Variants in SLC14A2 observed in about 807,000 individuals in gnomAD.
SLC14A2 encodes solute carrier family 14 member 2.
SLC14A2 carries 91 observed loss-of-function variants against 104.6 expected under a neutral mutation model. The ratio of observed to expected loss-of-function variants is 0.87; its 90% confidence interval spans 0.73 to 1.04. SLC14A2 has a LOEUF of 1.04. Among genes scored for constraint, SLC14A2 ranks in the 50% least tolerant of loss-of-function variants. The probability of loss-of-function intolerance (pLI) is 0.00; values close to 1 mark genes in which losing one functional copy is unlikely to be tolerated. For missense variants in SLC14A2, 1,189 were observed against 1,156.0 expected, an observed-to-expected ratio of 1.03 and a Z score of -0.41; for synonymous variants, 476 against 466.4, an observed-to-expected ratio of 1.02 and a Z score of -0.27.
At chr18:45,214,418 CATT>C (rs2083989615) in intron 1 of SLC14A2, among the ~76,000 whole-genome samples, 1 of 152,122 alleles carries the variant, frequency 6.6e-6, no homozygotes, top group African/African-American at 2.4e-5. Context: ...CCTGTGCTTT[CATT>C]ATGCTTGAAG....
At position 45,272,346 on chromosome 18, in the gene SLC14A2, T is replaced by G. The variant is rs112765701; in HGVS notation, c.-125+59155T>G. 1.5e-4 allele frequency among the ~76,000 whole-genome samples: 23 copies of G among 152,206 alleles called. No homozygotes were observed. In the South Asian group the frequency reaches 4.8e-3, roughly 32 times the overall value. On this transcript the variant is annotated intron_variant, in intron 1 of 20. Transcript: ENST00000586448. ...CCAAGATTTGAAAGCAACCTAAGTGTCCATCAACAGATGAATGGATAAAGA... is the reference window on the plus strand; with the variant it reads ...CCAAGATTTGAAAGCAACCTAAGTGGCCATCAACAGATGAATGGATAAAGA...
chr18:45,194,319 T>G, the SLC14A2 span, among the ~76,000 whole-genome samples: 1 of 152,206 alleles, frequency 6.6e-6, no homozygotes, highest in African/African-American at 2.4e-5. Context: ...GTAGTTAAGG[T>G]TAGTTGTCGA....
intron 1 of SLC14A2, among the ~76,000 whole-genome samples, chr18:45,378,863 A>G (rs1358878525): frequency 6.6e-6 from 1 of 152,218 alleles, no homozygotes; most frequent in East Asian, 1.9e-4. Flanking sequence ...TGCCCGTCTC[A>G]GCCTCCCGAA....
At chr18:45,223,447 C>G (rs1373549309) in intron 1 of SLC14A2, among the ~76,000 whole-genome samples, 5 of 152,150 alleles carry the variant, frequency 3.3e-5, no homozygotes, top group African/African-American at 1.2e-4. Context: ...TTATTACTTG[C>G]CTGAATGTCA....
intron 1 of SLC14A2, among the ~76,000 whole-genome samples, chr18:45,250,905 G>C (rs1475295827): frequency 1.3e-5 from 2 of 152,142 alleles, no homozygotes; most frequent in African/African-American, 4.8e-5. Context: ...AACTGGAAAA[G>C]TGTGTAGGTC....
intron 1 of SLC14A2, among the ~76,000 whole-genome samples, chr18:45,284,883 AGAG>A: frequency 6.6e-6 from 1 of 152,230 alleles, no homozygotes; most frequent in Non-Finnish European, 1.5e-5. Context: ...AACATTCAGA[AGAG>A]GAGGCTAGCC....
intron 2 of SLC14A2, among the ~76,000 whole-genome samples, chr18:45,573,419 A>C (rs2044377188): frequency 6.6e-6 from 1 of 152,254 alleles, no homozygotes. Flanking sequence ...ATAATAAGAA[A>C]TAATAAATAA....
chr18:45,461,986 C>T (rs1401759908), intron 1 of SLC14A2, among the ~76,000 whole-genome samples: 1 of 152,008 alleles, frequency 6.6e-6, no homozygotes, highest in Non-Finnish European at 1.5e-5. Flanking sequence ...GAGCAGAAAG[C>T]GTAAGAAACA....
chr18:45,673,957 G>A (rs1414616520), intron 18 of SLC14A2, 140 bp downstream of exon 18: 2 of 907,878 alleles, frequency 2.2e-6, no homozygotes, highest in African/African-American at 3.3e-5. Flanking sequence ...TCAGTCACAT[G>A]AAGACGGTGG....
At chr18:45,627,841 C>A (rs1036529311) in intron 4 of SLC14A2, among the ~76,000 whole-genome samples, 2 of 151,958 alleles carry the variant, frequency 1.3e-5, no homozygotes, top group African/African-American at 4.8e-5. Flanking sequence ...GAAACCCCGT[C>A]TCTACTACAA....
chr18:45,260,520 T>G (rs73425982), intron 1 of SLC14A2, among the ~76,000 whole-genome samples: 16,212 of 152,206 alleles, frequency 0.11, 1,192 homozygotes, highest in African/African-American at 0.2. Context: ...ATATGTTCAT[T>G]GCAGCACTAT....
At chr18:45,233,616 A>G (rs1360632835) in intron 1 of SLC14A2, among the ~76,000 whole-genome samples, 1 of 152,192 alleles carries the variant, frequency 6.6e-6, no homozygotes. Context: ...ACAAGTGCTT[A>G]ACATCCTCAT....
At chr18:45,577,062 T>C (rs1297966400) in intron 2 of SLC14A2, among the ~76,000 whole-genome samples, 2 of 150,956 alleles carry the variant, frequency 1.3e-5, no homozygotes, top group Non-Finnish European at 3.0e-5. Flanking sequence ...AGGTCTGGAG[T>C]GAGAGAACTC....
intron 6 of SLC14A2, among the ~76,000 whole-genome samples, chr18:45,638,999 C>G (rs566416730): frequency 6.3e-4 from 96 of 152,368 alleles, no homozygotes; most frequent in Admixed American, 4.2e-3. Context: ...TCTGTCAGCA[C>G]TGCCAAACAA....
At chr18:45,506,943 AC>A in intron 2 of SLC14A2, among the ~76,000 whole-genome samples, 1 of 152,092 alleles carries the variant, frequency 6.6e-6, no homozygotes, top group South Asian at 2.1e-4. Context: ...AACCTGACTT[AC>A]CCCCTCCTCA....
intron 1 of SLC14A2, among the ~76,000 whole-genome samples, chr18:45,389,424 G>A (rs2085936391): frequency 6.6e-6 from 1 of 152,156 alleles, no homozygotes; most frequent in African/African-American, 2.4e-5. Flanking sequence ...TTTTCCAAAA[G>A]GATTGTCTCA....
intron 1 of SLC14A2, among the ~76,000 whole-genome samples, chr18:45,472,195 A>G (rs2087263372): frequency 6.7e-6 from 1 of 149,752 alleles, no homozygotes; most frequent in African/African-American, 2.4e-5. Context: ...TGTCCCCGCA[A>G]GGAACATGAA....
chr18:45,320,311 T>C (rs993566010), intron 1 of SLC14A2, among the ~76,000 whole-genome samples: 6 of 152,194 alleles, frequency 3.9e-5, no homozygotes, highest in African/African-American at 1.2e-4. Flanking sequence ...TAAAGCTTTG[T>C]ACCCTTTGAC....
At chr18:45,249,722 G>C (rs1044943969) in intron 1 of SLC14A2, among the ~76,000 whole-genome samples, 8 of 152,200 alleles carry the variant, frequency 5.3e-5, no homozygotes, top group Admixed American at 5.2e-4. Flanking sequence ...GGCTAAGGCA[G>C]GAGGATCGCT....
Sources: gnomAD v4.1 joint callset for allele counts (sites outside exome capture counted in the v4.1 genomes callset) on GRCh38, gnomAD v4.1.1 for gene constraint, MANE v1.5 for transcripts, NCBI Gene and HGNC (gene_info 2026-07-23, HGNC 2026-07-21) for gene names.